Variants in CHL1 observed in about 807,000 individuals in gnomAD.
The protein encoded by CHL1 is cell adhesion molecule L1 like, also known as neural cell adhesion molecule L1-like protein.
In CHL1, 96 loss-of-function variants were observed where a neutral mutation model predicts 141.9. The ratio of observed to expected loss-of-function variants is 0.68; its 90% CI spans 0.57 to 0.80. CHL1 has a LOEUF of 0.80. Among genes scored for constraint, CHL1 ranks in the 30% least tolerant of loss-of-function variants. CHL1 has a pLI of 0.00. For missense variants in CHL1, 1,820 were observed against 1,457.2 expected, an observed-to-expected ratio of 1.25 and a Z score of -4.05; for synonymous variants, 613 against 502.2, an observed-to-expected ratio of 1.22 and a Z score of -2.95.
At chr3:293,619 A>C (rs552883743) in intron 2 of CHL1, among the ~76,000 whole-genome samples, 1 of 152,302 alleles carries the variant, frequency 6.6e-6, no homozygotes, top group African/African-American at 2.4e-5. Flanking sequence ...GAAATCAAAG[A>C]CCCAGCGTCA....
intron 2 of CHL1, among the ~76,000 whole-genome samples, chr3:303,130 T>C (rs1015491092): frequency 1.3e-5 from 2 of 152,150 alleles, no homozygotes; most frequent in African/African-American, 4.8e-5. Context: ...TACCATGCTG[T>C]TTTGGTTACT....
At chr3:246,787 A>G (rs1440551394) in intron 2 of CHL1, 2 of 152,184 alleles carry the variant, frequency 1.3e-5, no homozygotes, top group Admixed American at 1.3e-4. Flanking sequence ...TCAGATGAAT[A>G]CATATTTGTA....
chr3:224,255 C>T (rs1701123675), intron 1 of CHL1, among the ~76,000 whole-genome samples: 3 of 152,076 alleles, frequency 2.0e-5, no homozygotes, highest in Non-Finnish European at 4.4e-5. Flanking sequence ...AAATTTCTCC[C>T]AAAGATAGCT....
intron 2 of CHL1, among the ~76,000 whole-genome samples, chr3:291,079 A>G (rs529307602): frequency 1.3e-5 from 2 of 152,274 alleles, no homozygotes; most frequent in Admixed American, 1.3e-4. Context: ...TCAAAACATT[A>G]ATATAGGACT....
chr3:301,535 T>A (rs1698733112), intron 2 of CHL1, among the ~76,000 whole-genome samples: 2 of 152,238 alleles, frequency 1.3e-5, no homozygotes, highest in South Asian at 4.2e-4. Flanking sequence ...TGGTGGTGAT[T>A]TTGGTTGCTC....
chr3:281,495 A>G (rs1559195246), intron 2 of CHL1, among the ~76,000 whole-genome samples: 1 of 151,692 alleles, frequency 6.6e-6, no homozygotes. Flanking sequence ...CCTCTGTCTT[A>G]AAGTCTACTT....
At chr3:255,516 TAC>T (rs1694076271) in intron 2 of CHL1, among the ~76,000 whole-genome samples, 1 of 152,150 alleles carries the variant, frequency 6.6e-6, no homozygotes, top group African/African-American at 2.4e-5. Flanking sequence ...TGTGTGTGTA[TAC>T]ATACATACAC....
At chr3:223,210 A>C (rs1469334220) in intron 1 of CHL1, among the ~76,000 whole-genome samples, 2 of 152,194 alleles carry the variant, frequency 1.3e-5, no homozygotes, top group Non-Finnish European at 1.5e-5. Flanking sequence ...TATATCCATA[A>C]AATTAAGTGA....
Position 349,521 on chromosome 3 carries a change from C to T in CHL1, c.1011C>T (p.His337=), listed in dbSNP as rs751182684. Residue 337 remains histidine (H), a synonymous_variant, in exon 10 of 28, where the codon CAC becomes CAT. Coordinates refer to ENST00000256509, the MANE Select transcript of CHL1 (RefSeq NM_006614.4). ...GCAATTTCTTGGGAACAGCCACTCACGATTTTCACGTTATAGTAGAAGGTA... is the reference window on the plus strand; with the variant it reads ...GCAATTTCTTGGGAACAGCCACTCATGATTTTCACGTTATAGTAGAAGGTA... ...TASNFLGTAT[H]DFHVIVEEPP... is the part of the protein sequence containing the mutation. 10 of 1,613,416 alleles carry T rather than the reference C, an allele frequency of 6.2e-6. No individual in the cohort carries two copies. Among genetic ancestry groups the T allele is most frequent in the South Asian group, 1.1e-5 (1 of 91,042 alleles).
chr3:348,232 T>G (rs1310613656), intron 9 of CHL1, among the ~76,000 whole-genome samples: 1 of 152,180 alleles, frequency 6.6e-6, no homozygotes, highest in Non-Finnish European at 1.5e-5. Flanking sequence ...ATTGCTCCAG[T>G]GACCTTAAGA....
At chr3:257,650 C>T (rs1384101678) in intron 2 of CHL1, among the ~76,000 whole-genome samples, 1 of 152,112 alleles carries the variant, frequency 6.6e-6, no homozygotes, top group Non-Finnish European at 1.5e-5. Flanking sequence ...CTGTGCCTGG[C>T]TCTCTTTTTC....
intron 2 of CHL1, among the ~76,000 whole-genome samples, chr3:252,394 A>AT (rs1434882948): frequency 7.3e-6 from 1 of 136,938 alleles, no homozygotes; most frequent in African/African-American, 2.7e-5. Context: ...ATATATATAT[A>AT]TATATATTTC....
At position 375,117 on chromosome 3, in the gene CHL1, G is replaced by GC. The variant is rs60362509; in HGVS notation, c.1752-2694dup. On this transcript the variant is annotated intron_variant, in intron 15 of 27. Transcript: ENST00000256509. ...ATAATACTATTAGGTAGATTGAAATGCCCCCCCAGGAATTTTCTGTGGATT... is the reference window on the plus strand; with the variant it reads ...ATAATACTATTAGGTAGATTGAAATGCCCCCCCCAGGAATTTTCTGTGGATT... Among the ~76,000 whole-genome samples, 1,351 of 152,042 alleles carry GC rather than the reference G, an allele frequency of 8.9e-3. 12 individuals carry two copies. Among genetic ancestry groups the GC allele is most frequent in the African/African-American group, 0.031 (1,299 of 41,448 alleles).
chr3:205,200 T>C (rs1699314137), intron 1 of CHL1, among the ~76,000 whole-genome samples: 1 of 150,604 alleles, frequency 6.6e-6, no homozygotes, highest in Non-Finnish European at 1.5e-5. Flanking sequence ...AACCTCGAAC[T>C]CCTGGGCTCA....
chr3:371,516 G>T (rs1307345360), intron 15 of CHL1, among the ~76,000 whole-genome samples: 1 of 152,116 alleles, frequency 6.6e-6, no homozygotes, highest in Non-Finnish European at 1.5e-5. Context: ...TGTGAGATGG[G>T]TCTCCTGAAT....
intron 9 of CHL1, among the ~76,000 whole-genome samples, chr3:347,049 C>A (rs929001751): frequency 6.6e-6 from 1 of 152,000 alleles, no homozygotes; most frequent in African/African-American, 2.4e-5. Flanking sequence ...AAATGTTTTT[C>A]ATTTCCTTTT....
At chr3:197,136 G>A (rs1040482908) in intron 1 of CHL1, 73 bp downstream of exon 1, 3 of 152,456 alleles carry the variant, frequency 2.0e-5, no homozygotes, top group African/African-American at 7.2e-5. Context: ...AGGAAGGGCT[G>A]AAGGTGCTCC....
intron 2 of CHL1, among the ~76,000 whole-genome samples, chr3:301,730 T>G (rs1698755597): frequency 6.6e-6 from 1 of 152,170 alleles, no homozygotes; most frequent in Non-Finnish European, 1.5e-5. Context: ...TCTTGTAGTC[T>G]TTTTCCGGAA....
At chr3:380,369 A>G (rs1706885121) in intron 16 of CHL1, among the ~76,000 whole-genome samples, 1 of 152,236 alleles carries the variant, frequency 6.6e-6, no homozygotes, top group Non-Finnish European at 1.5e-5. Flanking sequence ...CACTTGGAGA[A>G]GAAAGAGCCC....
Sources: gnomAD v4.1 joint callset for allele counts (sites outside exome capture counted in the v4.1 genomes callset) on GRCh38, gnomAD v4.1.1 for gene constraint, MANE v1.5 for transcripts, NCBI Gene and HGNC (gene_info 2026-07-23, HGNC 2026-07-21) for gene names.